The following PLS1 variants were observed in gnomAD, a reference collection of about 807,000 sequenced individuals.
The protein encoded by PLS1 is plastin-1.
PLS1 carries 32 observed loss-of-function variants against 73.7 expected under a neutral mutation model. The ratio of observed to expected loss-of-function variants is 0.43; its 90% confidence interval spans 0.33 to 0.58. The LOEUF (loss-of-function observed/expected upper bound fraction) is 0.58. PLS1 is among the 20% of genes least tolerant of loss of function. The probability of loss-of-function intolerance (pLI) is 0.04; values close to 1 mark genes in which losing one functional copy is unlikely to be tolerated. For missense variants in PLS1, 633 were observed against 740.5 expected, an observed-to-expected ratio of 0.85 and a Z score of 1.68; for synonymous variants, 217 against 261.3, an observed-to-expected ratio of 0.83 and a Z score of 1.63.
chr3:142,599,580 C>T (rs957206663), intron 1 of PLS1, among the ~76,000 whole-genome samples: 9 of 151,950 alleles, frequency 5.9e-5, no homozygotes, highest in East Asian at 3.9e-4. Flanking sequence ...CCACCCGCCT[C>T]GGCCTCCCAA....
intron 10 of PLS1, among the ~76,000 whole-genome samples, chr3:142,694,051 C>T (rs1238954879): frequency 1.3e-5 from 2 of 151,946 alleles, no homozygotes; most frequent in Non-Finnish European, 2.9e-5. Context: ...TTTAGAAACA[C>T]TGCACCGAGA....
At chr3:142,647,503 C>CTTTCTT (rs1553785179) in intron 1 of PLS1, among the ~76,000 whole-genome samples, 20 of 141,950 alleles carry the variant, frequency 1.4e-4, no homozygotes, top group African/African-American at 2.6e-4. Context: ...TTTTTCTTTT[C>CTTTCTT]TTTTTTTTTT....
At chr3:142,678,398 A>G (rs2037769279) in intron 6 of PLS1, among the ~76,000 whole-genome samples, 1 of 146,316 alleles carries the variant, frequency 6.8e-6, no homozygotes, top group Admixed American at 6.8e-5. Context: ...CATTAGGTAT[A>G]TCTCCTAAAG....
At chr3:142,703,632 A>G (rs2038382942) in intron 12 of PLS1, among the ~76,000 whole-genome samples, 1 of 152,190 alleles carries the variant, frequency 6.6e-6, no homozygotes, top group South Asian at 2.1e-4. Flanking sequence ...AAGGGATCTT[A>G]AAACTTTCCG....
At chr3:142,654,554 A>G (rs531280933) in intron 1 of PLS1, among the ~76,000 whole-genome samples, 1 of 152,184 alleles carries the variant, frequency 6.6e-6, no homozygotes, top group Admixed American at 6.5e-5. Flanking sequence ...AAGTCTCACT[A>G]TGTTGCCCAG....
chr3:142,608,526 G>A (rs761937926), intron 1 of PLS1, among the ~76,000 whole-genome samples: 2 of 152,142 alleles, frequency 1.3e-5, no homozygotes, highest in Non-Finnish European at 2.9e-5. Flanking sequence ...GGCTCAAAGA[G>A]GCTGTGTCAT....
chr3:142,676,848 T>C (rs564398605), intron 5 of PLS1, among the ~76,000 whole-genome samples: 8 of 152,246 alleles, frequency 5.3e-5, no homozygotes, highest in African/African-American at 1.9e-4. Context: ...TTATAAAAAG[T>C]ACAAAAGATT....
chr3:142,667,146 G>T (rs1325529340), intron 2 of PLS1, among the ~76,000 whole-genome samples: 7 of 152,204 alleles, frequency 4.6e-5, no homozygotes, highest in Non-Finnish European at 1.5e-5. Flanking sequence ...GCCGGGTGCG[G>T]TGGCTCACGC....
intron 11 of PLS1, among the ~76,000 whole-genome samples, chr3:142,695,623 G>T (rs942356732): frequency 2.0e-5 from 3 of 152,062 alleles, no homozygotes; most frequent in African/African-American, 7.2e-5. Flanking sequence ...AAGAATAACA[G>T]GTCTAGTATG....
chr3:142,661,751 A>G (rs1193426379), intron 1 of PLS1, among the ~76,000 whole-genome samples: 1 of 152,218 alleles, frequency 6.6e-6, no homozygotes. Flanking sequence ...TCTGAGGCAC[A>G]TATTAACTGT....
chr3:142,630,855 A>T (rs2108584674), intron 1 of PLS1, among the ~76,000 whole-genome samples: 1 of 152,164 alleles, frequency 6.6e-6, no homozygotes, highest in East Asian at 1.9e-4. Flanking sequence ...ACTACAAAGC[A>T]GCAGTCTGAT....
chr3:142,659,303 G>T (rs1027328218), intron 1 of PLS1, among the ~76,000 whole-genome samples: 3 of 152,138 alleles, frequency 2.0e-5, no homozygotes, highest in African/African-American at 4.8e-5. Flanking sequence ...TGGGAAAATA[G>T]AATAGCTGGG....
chr3:142,678,587 A>G (rs1446740389), intron 6 of PLS1, among the ~76,000 whole-genome samples: 3 of 151,526 alleles, frequency 2.0e-5, no homozygotes, highest in African/African-American at 7.3e-5. Flanking sequence ...CCATGTCCCT[A>G]CAAAGGACAT....
intron 11 of PLS1, among the ~76,000 whole-genome samples, 195 bp from the exon 12 acceptor site, chr3:142,697,748 ATGTATACCTT>A (rs2038240763): frequency 6.6e-6 from 1 of 152,206 alleles, no homozygotes; most frequent in Admixed American, 6.5e-5. Flanking sequence ...ATGTCCTTGG[ATGTATACCTT>A]TGTAAATATT....
At chr3:142,602,416 A>G (rs977141309) in intron 1 of PLS1, among the ~76,000 whole-genome samples, 54 of 152,106 alleles carry the variant, frequency 3.6e-4, no homozygotes, top group Admixed American at 3.2e-3. Flanking sequence ...TGGAATATCT[A>G]TGGATCATGA....
intron 8 of PLS1, among the ~76,000 whole-genome samples, chr3:142,685,349 G>A: frequency 6.6e-6 from 1 of 152,172 alleles, no homozygotes; most frequent in East Asian, 1.9e-4. Context: ...ATGTACCAGA[G>A]GGATATTTCA....
At chr3:142,613,654 C>T (rs1327241120) in intron 1 of PLS1, among the ~76,000 whole-genome samples, 1 of 152,206 alleles carries the variant, frequency 6.6e-6, no homozygotes, top group East Asian at 1.9e-4. Context: ...AAGATACCCA[C>T]ACTTGTGCCA....
chr3:142,679,860 T>C (rs1254359986), intron 6 of PLS1, among the ~76,000 whole-genome samples: 3 of 152,166 alleles, frequency 2.0e-5, no homozygotes, highest in Non-Finnish European at 4.4e-5. Context: ...TAAATTACCT[T>C]GGGCAGTATG....
chr3:142,601,390 TTAAAA>T (rs1160370315), intron 1 of PLS1, among the ~76,000 whole-genome samples: 3 of 152,138 alleles, frequency 2.0e-5, no homozygotes, highest in Admixed American at 6.5e-5. Flanking sequence ...AATATCTTTC[TTAAAA>T]TAATAATAGT....
Sources: gnomAD v4.1 joint callset for allele counts (sites outside exome capture counted in the v4.1 genomes callset) on GRCh38, gnomAD v4.1.1 for gene constraint, MANE v1.5 for transcripts, NCBI Gene and HGNC (gene_info 2026-07-23, HGNC 2026-07-21) for gene names.